Variants in CALN1 observed in about 807,000 individuals in gnomAD.
The protein encoded by CALN1 is calneuron 1, also known as calcium-binding protein 8.
Under a neutral mutation model 30.6 loss-of-function variants are expected in CALN1, and 17 were observed. The observed-to-expected ratio is 0.56, with a 90% confidence interval of 0.38 to 0.83. The LOEUF is 0.83. CALN1 is among the 40% of genes least tolerant of loss of function. The probability of loss-of-function intolerance (pLI) is 0.00; values close to 1 mark genes in which losing one functional copy is unlikely to be tolerated. For synonymous variants in CALN1, 156 were observed against 131.4 expected (o/e 1.19, Z -1.28); for missense variants, 291 against 354.9 (o/e 0.82, Z 1.45).
chr7:72,052,649 T>A (rs1358350443), intron 4 of CALN1, among the ~76,000 whole-genome samples: 1 of 152,200 alleles, frequency 6.6e-6, no homozygotes, highest in African/African-American at 2.4e-5. Context: ...CCTGTTGGTG[T>A]GCCTTTGCCC....
chr7:72,027,885 G>A (rs937335608), intron 4 of CALN1, among the ~76,000 whole-genome samples: 146 of 148,668 alleles, frequency 9.8e-4, no homozygotes, highest in African/African-American at 2.9e-3. Context: ...GTGAAACCCC[G>A]TCTCTACTAA....
chr7:72,189,001 G>T (rs6460706), intron 3 of CALN1, among the ~76,000 whole-genome samples: 150,761 of 152,306 alleles, frequency 0.99, 74,633 homozygotes, highest in Middle Eastern at 1. Context: ...CCTTCAGAAC[G>T]GTGGCTCCTC....
At chr7:72,292,714 G>T (rs559248451) in intron 2 of CALN1, among the ~76,000 whole-genome samples, 1 of 150,046 alleles carries the variant, frequency 6.7e-6, no homozygotes, top group Admixed American at 6.6e-5. Context: ...CCAGCTACTC[G>T]GGAGGCTGAG....
chr7:72,072,117 G>A (rs534931619), intron 4 of CALN1, among the ~76,000 whole-genome samples: 204 of 152,226 alleles, frequency 1.3e-3, no homozygotes, highest in African/African-American at 4.8e-3. Context: ...AGATATAGTG[G>A]CTGGAAACTC....
At chr7:72,285,238 TTTTTG>T (rs933241126) in intron 2 of CALN1, among the ~76,000 whole-genome samples, 12 of 152,186 alleles carry the variant, frequency 7.9e-5, no homozygotes, top group African/African-American at 1.2e-4. Flanking sequence ...TTCTTACTGG[TTTTTG>T]TTTTGTTTTG....
Position 71,963,045 on chromosome 7 carries a change from G to T in CALN1, c.501+60612C>A, listed in dbSNP as rs144596260. On this transcript the variant is annotated intron_variant, in intron 5 of 6. Transcript: ENST00000395275. Reference sequence around the variant, plus strand: ...CATAGGTATCCAAGATTTGTAACTGGTATTTAAGTTTTGGAATCTCAGTTA... The same window carrying T: ...CATAGGTATCCAAGATTTGTAACTGTTATTTAAGTTTTGGAATCTCAGTTA... 8.5e-4 allele frequency among the ~76,000 whole-genome samples: 129 copies of T among 152,228 alleles called. No individual in the cohort carries two copies. In the East Asian group the frequency reaches 0.024, roughly 28 times the overall value.
intron 2 of CALN1, among the ~76,000 whole-genome samples, chr7:72,380,783 T>A (rs921708443): frequency 1.3e-5 from 2 of 152,170 alleles, no homozygotes; most frequent in African/African-American, 4.8e-5. Flanking sequence ...CACCCAAGGC[T>A]GCAGTGAGCT....
chr7:72,431,529 T>C (rs1014541881), intron 1 of CALN1, among the ~76,000 whole-genome samples: 3 of 152,088 alleles, frequency 2.0e-5, no homozygotes, highest in Admixed American at 6.6e-5. Flanking sequence ...CAGCCCACCA[T>C]AGGTAATCTA....
intron 5 of CALN1, among the ~76,000 whole-genome samples, chr7:71,848,807 T>C (rs1206294061): frequency 6.6e-6 from 1 of 152,194 alleles, no homozygotes; most frequent in African/African-American, 2.4e-5. Flanking sequence ...GCTGAAACTC[T>C]AACTCAGGTT....
chr7:72,252,914 A>G (rs1795663070), intron 3 of CALN1, among the ~76,000 whole-genome samples: 1 of 152,220 alleles, frequency 6.6e-6, no homozygotes, highest in African/African-American at 2.4e-5. Context: ...GCACTCAATC[A>G]ACATTTGTGA....
chr7:72,438,007 G>T (rs1022364866), intron 1 of CALN1, among the ~76,000 whole-genome samples: 30 of 147,400 alleles, frequency 2.0e-4, no homozygotes, highest in South Asian at 4.3e-4. Flanking sequence ...TAGAGTCTCA[G>T]TCTGTTGCCC....
chr7:71,905,677 T>C (rs1411466456), intron 5 of CALN1, among the ~76,000 whole-genome samples: 1 of 152,008 alleles, frequency 6.6e-6, no homozygotes, highest in African/African-American at 2.4e-5. Flanking sequence ...GGGCCTGACA[T>C]GTCAGTAAAA....
intron 5 of CALN1, among the ~76,000 whole-genome samples, chr7:72,022,943 TA>T (rs66732939): frequency 0.25 from 37,165 of 148,118 alleles, 6,757 homozygotes; most frequent in African/African-American, 0.51. Context: ...AAAAGAAATT[TA>T]AAAAAAAGAA....
chr7:72,253,888 C>G (rs1795735440), intron 3 of CALN1, among the ~76,000 whole-genome samples: 1 of 152,158 alleles, frequency 6.6e-6, no homozygotes, highest in Non-Finnish European at 1.5e-5. Flanking sequence ...CTACAGGGGT[C>G]TGCCACCACA....
intron 4 of CALN1, among the ~76,000 whole-genome samples, chr7:72,097,378 T>C (rs1161180560): frequency 6.6e-6 from 1 of 152,180 alleles, no homozygotes; most frequent in African/African-American, 2.4e-5. Context: ...CAAGCCTTTA[T>C]TCCCCAGTGA....
intron 5 of CALN1, among the ~76,000 whole-genome samples, chr7:71,911,311 A>G (rs368566572): frequency 1.3e-5 from 2 of 152,298 alleles, no homozygotes; most frequent in Admixed American, 1.3e-4. Flanking sequence ...TCAAATGTGT[A>G]GAGATCTTGG....
intron 2 of CALN1, among the ~76,000 whole-genome samples, chr7:72,385,441 C>T (rs1202470234): frequency 6.6e-6 from 1 of 152,006 alleles, no homozygotes; most frequent in East Asian, 1.9e-4. Context: ...TGTGGTACAT[C>T]TATGAAATGG....
At chr7:72,413,991 G>A (rs1807342190), upstream of CALN1, among the ~76,000 whole-genome samples, 1 of 152,056 alleles carries the variant, frequency 6.6e-6, no homozygotes, top group Non-Finnish European at 1.5e-5. Context: ...AAGGCTTTCT[G>A]TTTTTGAGTC....
At chr7:72,163,159 A>AGTC (rs1481017829) in intron 3 of CALN1, among the ~76,000 whole-genome samples, 1 of 152,212 alleles carries the variant, frequency 6.6e-6, no homozygotes, top group Non-Finnish European at 1.5e-5. Flanking sequence ...TAGAAGGGCT[A>AGTC]GTCCCTTGAA....
Sources: allele counts gnomAD v4.1 joint callset (sites outside exome capture counted in the v4.1 genomes callset), GRCh38; gene constraint gnomAD v4.1.1; transcripts MANE v1.5; gene names NCBI Gene and HGNC (gene_info 2026-07-23, HGNC 2026-07-21).